Variants in PFKP observed in about 807,000 individuals in gnomAD.
PFKP encodes the protein ATP-dependent 6-phosphofructokinase, platelet type.
PFKP carries 101 observed loss-of-function variants against 94.3 expected under a neutral mutation model. The ratio of observed to expected loss-of-function variants is 1.07; its 90% CI spans 0.91 to 1.26. The LOEUF (loss-of-function observed/expected upper bound fraction) is 1.26. PFKP is among the 50% of genes most tolerant of loss of function. The pLI is 0.00. For missense variants in PFKP, 1,145 were observed against 1,103.3 expected (o/e 1.04, Z -0.53); for synonymous variants, 573 against 432.6 (o/e 1.32, Z -4.03).
At chr10:3,124,574 A>C (rs749989512) in intron 16 of PFKP, among the ~76,000 whole-genome samples, 1 of 152,100 alleles carries the variant, frequency 6.6e-6, no homozygotes, top group Non-Finnish European at 1.5e-5. Context: ...AGTGTGGCCC[A>C]CCGGTAATCC....
intron 1 of PFKP, among the ~76,000 whole-genome samples, chr10:3,079,360 G>C (rs1034595335): frequency 6.6e-6 from 1 of 151,794 alleles, no homozygotes; most frequent in Non-Finnish European, 1.5e-5. Context: ...TCAGCCTCCC[G>C]AGTAGCTGGG....
chr10:3,131,710 T>G (rs1252722965), intron 17 of PFKP, among the ~76,000 whole-genome samples: 1 of 152,048 alleles, frequency 6.6e-6, no homozygotes, highest in Non-Finnish European at 1.5e-5. Context: ...CTATCCGCCT[T>G]GGCCTCCCAA....
chr10:3,120,356 G>A (rs1211850824), intron 16 of PFKP, among the ~76,000 whole-genome samples: 1 of 123,204 alleles, frequency 8.1e-6, no homozygotes. Flanking sequence ...GATTGTACCA[G>A]CATTAAAAAT....
intron 1 of PFKP, among the ~76,000 whole-genome samples, chr10:3,076,017 C>CAAAAAAAAAAA (rs59102828): frequency 9.7e-5 from 6 of 61,828 alleles, no homozygotes; most frequent in South Asian, 6.3e-4. Context: ...GACTCCGTCT[C>CAAAAAAAAAAA]AAAAAAAAAA....
At position 3,112,020 on chromosome 10, in the gene PFKP, C is replaced by T. The variant is rs560273900; in HGVS notation, c.1090-202C>T. On this transcript the variant is annotated intron_variant, in intron 10 of 21. Coordinates refer to ENST00000381125, the MANE Select transcript of PFKP (RefSeq NM_002627.5). ...AGTCCCAGGGCTCTGACCTCACAGC[C>T]GGGCCGTGTGGGGCTGGCTGCCAAC... Among the ~76,000 whole-genome samples, 30 of 152,318 alleles carry T rather than the reference C, an allele frequency of 2.0e-4. No individual in the cohort carries two copies. In the South Asian group the frequency reaches 5.4e-3, roughly 27 times the overall value.
At chr10:3,122,526 A>G (rs898508615) in intron 16 of PFKP, among the ~76,000 whole-genome samples, 14 of 152,224 alleles carry the variant, frequency 9.2e-5, no homozygotes, top group Admixed American at 1.3e-4. Context: ...TCGTCTGGCC[A>G]TAGAAGAACA....
At chr10:3,094,154 G>C (rs576999882) in intron 2 of PFKP, among the ~76,000 whole-genome samples, 2 of 152,274 alleles carry the variant, frequency 1.3e-5, no homozygotes, top group African/African-American at 4.8e-5. Context: ...CCTCAAGGTG[G>C]GGTTTGCTGT....
intron 3 of PFKP, chr10:3,101,135 A>G: frequency 1.2e-6 from 1 of 800,634 alleles, no homozygotes. Flanking sequence ...CTGGCTCTGC[A>G]CCCTCCCTGG....
rs373176317 is a variant in PFKP, at chr10:3,069,223, T to G, written c.112+1516T>G. Reference sequence around the variant, plus strand: ...CCTGCAGCGCCCCCGGGAAGTGCTCTGGCGTTAGCATTCCAGTAAAAGGAC... The same window carrying G: ...CCTGCAGCGCCCCCGGGAAGTGCTCGGGCGTTAGCATTCCAGTAAAAGGAC... On this transcript the variant is annotated intron_variant, in intron 1 of 21. Coordinates refer to ENST00000381125, the MANE Select transcript of PFKP (RefSeq NM_002627.5). 4.7e-4 allele frequency: 647 copies of G among 1,377,474 alleles called. 1 individual carries two copies. The highest frequency in any genetic ancestry group is 6.0e-4 in the Middle Eastern group (3 of 4,974). The allele number at this position is 1,377,474 out of a possible 1,614,324, so 85.3% of individuals were successfully genotyped here. A position where few individuals can be genotyped will look rare whatever the true frequency, so the allele number is the denominator to read the frequency against.
chr10:3,100,047 T>TG (rs1564296216), intron 3 of PFKP, among the ~76,000 whole-genome samples: 54 of 136,464 alleles, frequency 4.0e-4, no homozygotes, highest in African/African-American at 1.5e-3. Context: ...CTTGTATGTG[T>TG]AGGTGTGTGG....
chr10:3,070,092 T>G (rs1270187497), intron 1 of PFKP, among the ~76,000 whole-genome samples: 2 of 152,262 alleles, frequency 1.3e-5, no homozygotes, highest in African/African-American at 2.4e-5. Context: ...GGGTCACACC[T>G]GGGCTGTCCC....
At chr10:3,087,790 T>C (rs1833713933) in intron 2 of PFKP, among the ~76,000 whole-genome samples, 1 of 152,108 alleles carries the variant, frequency 6.6e-6, no homozygotes, top group Non-Finnish European at 1.5e-5. Context: ...CGGGTCCATT[T>C]CTTCACCTTC....
chr10:3,069,151 C>T (rs556408011), intron 1 of PFKP: 2 of 957,596 alleles, frequency 2.1e-6, no homozygotes, highest in South Asian at 4.6e-5. Context: ...CCAGCGCCCC[C>T]CGCGGGAGAC....
At chr10:3,071,427 G>GTTTTTTTTTTTTTTTTTTTTTTTTTT (rs569603765) in intron 1 of PFKP, among the ~76,000 whole-genome samples, 6 of 92,474 alleles carry the variant, frequency 6.5e-5, no homozygotes, top group East Asian at 2.9e-4. Context: ...GTCTCAGGCT[G>GTTTTTTTTTTTTTTTTTTTTTTTTTT]TTTTTTTTTT....
chr10:3,081,975 GCCTTTTTTT>G (rs1315676504), intron 1 of PFKP, among the ~76,000 whole-genome samples: 2 of 74,578 alleles, frequency 2.7e-5, no homozygotes, highest in Non-Finnish European at 4.8e-5. Context: ...GAAGCCCATT[GCCTTTTTTT>G]TTTTTTTTTT....
chr10:3,094,939 G>A (rs1044295974), intron 2 of PFKP, among the ~76,000 whole-genome samples: 1 of 152,236 alleles, frequency 6.6e-6, no homozygotes, highest in African/African-American at 2.4e-5. Context: ...TCTGGATGCA[G>A]TAACTATGTC....
rs369311058 is a variant in PFKP at position 3,112,274 on chromosome 10, G to T, written c.1142G>T (p.Arg381Leu). The part of the protein sequence containing the change: ...MDERRFQDAV[R>L]LRGRSFAGNL... ...GAGAGGAGATTTCAAGATGCGGTTC[G>T]ACTCCGAGGGAGGTGAGGTGCTTTG... The change falls in exon 11 of 22, where the codon CGA (arginine) becomes CTA (leucine). Residue 381 changes from arginine (R) to leucine (L), a missense_variant. Around this residue, in one of 3 missense-constraint regions of PFKP, gnomAD observed 1,119 missense variants for 1,062.8 expected, o/e 1.05. Coordinates refer to ENST00000381125, the MANE Select transcript of PFKP (RefSeq NM_002627.5). The T allele has an allele frequency of 9.9e-6, 16 of 1,613,102 alleles. No individual in the cohort carries two copies. In the East Asian group the frequency reaches 3.3e-4, roughly 34 times the overall value.
chr10:3,109,742 G>C (rs914101824), intron 10 of PFKP, among the ~76,000 whole-genome samples: 1 of 152,156 alleles, frequency 6.6e-6, no homozygotes, highest in Admixed American at 6.5e-5. Context: ...CCCTGAGTGG[G>C]GGTCTAGAGC....
Position 3,136,716 on chromosome 10 carries a change from T to G in PFKP, c.*137T>G. On this transcript the variant is annotated 3_prime_UTR_variant, in exon 22 of 22. Transcript: ENST00000381125. Reference sequence around the variant, plus strand: ...GCGAGTGCCCATCTGCCCCACCTGCTCCAGTGCGTGCTGTCTGTGGAGTGT... The same window carrying G: ...GCGAGTGCCCATCTGCCCCACCTGCGCCAGTGCGTGCTGTCTGTGGAGTGT... 1 of 798,958 alleles carries G rather than the reference T, an allele frequency of 1.3e-6. No individual in the cohort carries two copies. The highest frequency in any genetic ancestry group is 1.7e-5 in the South Asian group (1 of 58,874). The allele number at this position is 798,958 out of a possible 1,614,324, so 49.5% of individuals were successfully genotyped here. A position where few individuals can be genotyped will look rare whatever the true frequency, so the allele number is the denominator to read the frequency against.
Sources: allele counts gnomAD v4.1 joint callset (sites outside exome capture counted in the v4.1 genomes callset), GRCh38; gene constraint gnomAD v4.1.1; regional missense constraint gnomAD v4.1.1; transcripts MANE v1.5; gene names NCBI Gene and HGNC (gene_info 2026-07-23, HGNC 2026-07-21).